The following CDC45 variants were observed in gnomAD, a reference collection of about 807,000 sequenced individuals.
CDC45 encodes cell division control protein 45 homolog.
CDC45 carries 54 observed loss-of-function variants against 77.8 expected under a neutral mutation model. The ratio of observed to expected loss-of-function variants is 0.69; its 90% confidence interval spans 0.56 to 0.87. The LOEUF (loss-of-function observed/expected upper bound fraction) is 0.87. Ranked by LOEUF, CDC45 falls within the 40% of genes least tolerant of loss-of-function variation. The probability of loss-of-function intolerance (pLI) is 0.00; values close to 1 mark genes in which losing one functional copy is unlikely to be tolerated. For synonymous variants in CDC45, 260 were observed against 272.1 expected (o/e 0.96, Z 0.44); for missense variants, 649 against 721.6 (o/e 0.90, Z 1.15).
chr22:19,506,647 T>A (rs1240980291), intron 10 of CDC45, among the ~76,000 whole-genome samples: 1 of 152,038 alleles, frequency 6.6e-6, no homozygotes, highest in Non-Finnish European at 1.5e-5. Flanking sequence ...AGAAAAGGGC[T>A]GAGGAGGTCG....
rs140757121 is a variant in CDC45 at position 19,484,271 on chromosome 22, T to C, written c.486+266T>C. 1.1e-4 allele frequency among the ~76,000 whole-genome samples: 17 copies of C among 152,316 alleles called. No homozygotes were observed. The East Asian group carries it at 3.3e-3, about 29-fold the overall frequency. On this transcript the variant is annotated intron_variant, in intron 5 of 18. Transcript: ENST00000263201. The stretch of plus-strand genomic sequence containing the variant: ...AGGACAGCTCAGCTCTGCGGCTAGA[T>C]AGCAAAAAAATAATGTAGAGAAGCA...
intron 5 of CDC45, among the ~76,000 whole-genome samples, chr22:19,484,652 C>T (rs1035724038): frequency 9.9e-5 from 15 of 152,192 alleles, no homozygotes; most frequent in Admixed American, 6.5e-4. Flanking sequence ...AGAATTTGCC[C>T]CCGTAATGTT....
At chr22:19,508,136 G>A (rs1271704892) in intron 12 of CDC45, among the ~76,000 whole-genome samples, 1 of 152,110 alleles carries the variant, frequency 6.6e-6, no homozygotes, top group South Asian at 2.1e-4. Flanking sequence ...GGCTGCTGTG[G>A]GACCTGTGAG....
At chr22:19,504,668 AGG>A (rs1218404634) in intron 9 of CDC45, among the ~76,000 whole-genome samples, 6 of 152,084 alleles carry the variant, frequency 3.9e-5, no homozygotes, top group African/African-American at 1.4e-4. Flanking sequence ...TGGTGGGGCA[AGG>A]GGGATGTAAT....
In CDC45 at chr22:19,516,625, C is replaced by G. The variant is rs762217494; in HGVS notation, c.1539C>G (p.Thr513=). 5.6e-6 allele frequency: 9 copies of G among 1,613,634 alleles called. No individual in the cohort carries two copies. The highest frequency in any genetic ancestry group is 7.6e-6 in the Non-Finnish European group (9 of 1,179,780). ...CCGTGGTGGGCATCCCCCCAGAGAC[C>G]GACAGCTCGGACAGGAAGAAGTGAG... The part of the protein sequence containing the change: ...TVTVVGIPPE[T]DSSDRKNFFG... Residue 513 remains threonine (T), a synonymous_variant, in exon 16 of 19, where the codon ACC becomes ACG. Transcript: ENST00000263201.
Position 19,508,624 on chromosome 22 carries a change from A to C in CDC45, c.1150A>C (p.Met384Leu). ...SDVVFATMSLMESPEKDGSGT... is the reference protein window; with the variant it reads ...SDVVFATMSLLESPEKDGSGT... ...CGTGGTCTTTGCCACCATGTCTTTG[A>C]TGGAGAGCCCCGAGAAGGATGGCTC... Residue 384 changes from methionine (M) to leucine (L), a missense_variant, in exon 13 of 19, where the codon ATG (methionine) becomes CTG (leucine). Transcript: ENST00000263201. The C allele has an allele frequency of 6.2e-7, 1 of 1,614,184 alleles. No homozygotes were observed. The highest frequency in any genetic ancestry group is 1.3e-5 in the African/African-American group (1 of 75,042).
chr22:19,512,224 A>C (rs138541896), intron 13 of CDC45, among the ~76,000 whole-genome samples: 1 of 151,980 alleles, frequency 6.6e-6, no homozygotes, highest in East Asian at 1.9e-4. Flanking sequence ...GACTCCTTGC[A>C]CTCCAGGGAG....
intron 2 of CDC45, 40 bp downstream of exon 2, chr22:19,480,257 G>A (rs781532842): frequency 1.3e-6 from 2 of 1,588,584 alleles, no homozygotes; most frequent in South Asian, 1.1e-5. Context: ...GCCGGCGCGC[G>A]AGGTGAGGGT....
chr22:19,495,859 C>G (rs1453544059), intron 6 of CDC45, 122 bp from the exon 7 acceptor site: 2 of 761,878 alleles, frequency 2.6e-6, no homozygotes, highest in Admixed American at 2.0e-5. Context: ...TATGTGAAAA[C>G]AAATAGTACC....
chr22:19,484,719 G>A (rs2090038642), intron 5 of CDC45, among the ~76,000 whole-genome samples: 1 of 152,152 alleles, frequency 6.6e-6, no homozygotes, highest in African/African-American at 2.4e-5. Flanking sequence ...CTTTTGGGAA[G>A]CCTTTTTGAG....
intron 5 of CDC45, among the ~76,000 whole-genome samples, chr22:19,485,927 GT>G (rs1457771407): frequency 2.0e-5 from 3 of 152,106 alleles, no homozygotes; most frequent in African/African-American, 7.2e-5. Flanking sequence ...AACAAAAACA[GT>G]TTTTCACATT....
At chr22:19,516,060 G>A (rs540262101) in intron 15 of CDC45, among the ~76,000 whole-genome samples, 7 of 152,136 alleles carry the variant, frequency 4.6e-5, no homozygotes, top group African/African-American at 1.4e-4. Context: ...CGTGCCGGCG[G>A]GGGGGACGAG....
In CDC45 at chr22:19,494,311, T is replaced by C. The variant is rs1412636002; in HGVS notation, c.487-16T>C. The C allele has an allele frequency of 1.9e-6, 3 of 1,611,554 alleles. No individual in the cohort carries two copies. Among genetic ancestry groups the C allele is most frequent in the Non-Finnish European group, 1.7e-6 (2 of 1,179,378 alleles). On this transcript the variant is annotated splice_polypyrimidine_tract_variant and intron_variant, in intron 5 of 18. Coordinates refer to ENST00000263201, the MANE Select transcript of CDC45 (RefSeq NM_003504.5). ...TGCATTTGCTCCACCTTTTGTTCTC[T>C]TTGTCCCTGTATCAGGAGATAGTGG...
In CDC45 at chr22:19,479,958, C is replaced by T; in HGVS notation, c.-11C>T. 1.2e-6 allele frequency: 2 copies of T among 1,612,918 alleles called. No individual in the cohort carries two copies. Among genetic ancestry groups the T allele is most frequent in the Middle Eastern group, 1.8e-4 (1 of 5,674 alleles). On this transcript the variant is annotated 5_prime_UTR_variant, in exon 1 of 19. Coordinates refer to ENST00000263201, the MANE Select transcript of CDC45 (RefSeq NM_003504.5). ...CTCAGCGCGAGCGCCAGGCGTCCGGCCGCCGTGGCTATGTTCGTGTCCGAT... is the reference window on the plus strand; with the variant it reads ...CTCAGCGCGAGCGCCAGGCGTCCGGTCGCCGTGGCTATGTTCGTGTCCGAT...
chr22:19,490,672 TTTC>T (rs2090140839), intron 5 of CDC45, among the ~76,000 whole-genome samples: 1 of 151,406 alleles, frequency 6.6e-6, no homozygotes, highest in Admixed American at 6.6e-5. Flanking sequence ...TCCAGCCTGT[TTTC>T]TTTCTTTTTC....
chr22:19,498,096 T>A (rs2090276395), intron 8 of CDC45, among the ~76,000 whole-genome samples: 1 of 151,646 alleles, frequency 6.6e-6, no homozygotes, highest in African/African-American at 2.4e-5. Flanking sequence ...ATCGCTTGAA[T>A]CCGGAAGGCA....
upstream of CDC45, chr22:19,479,726 G>T: frequency 2.9e-5 from 19 of 653,566 alleles, no homozygotes; most frequent in Admixed American, 4.5e-5. Flanking sequence ...AACAGTGTTT[G>T]CGTTCGGCCT....
chr22:19,511,031 A>T (rs1042075691), intron 13 of CDC45, among the ~76,000 whole-genome samples: 51 of 152,320 alleles, frequency 3.3e-4, no homozygotes, highest in African/African-American at 1.2e-3. Flanking sequence ...GCTGGGTGAC[A>T]TGGTAACACT....
At chr22:19,492,273 T>A (rs1278555391) in intron 5 of CDC45, among the ~76,000 whole-genome samples, 1 of 152,168 alleles carries the variant, frequency 6.6e-6, no homozygotes, top group Non-Finnish European at 1.5e-5. Flanking sequence ...TTTTTCTCGG[T>A]TGTTCAGACT....
Sources: allele counts gnomAD v4.1 joint callset (sites outside exome capture counted in the v4.1 genomes callset), GRCh38; gene constraint gnomAD v4.1.1; transcripts MANE v1.5; gene names NCBI Gene and HGNC (gene_info 2026-07-23, HGNC 2026-07-21).